The following CCDC39 variants were observed in gnomAD, a reference collection of about 807,000 sequenced individuals.
The protein encoded by CCDC39 is coiled-coil domain 39 molecular ruler complex subunit.
CCDC39 carries 113 observed loss-of-function variants against 121.0 expected under a neutral mutation model. The observed-to-expected ratio is 0.93, with a 90% CI of 0.80 to 1.09. The LOEUF (loss-of-function observed/expected upper bound fraction) is 1.09. Among genes scored for constraint, CCDC39 ranks in the 50% least tolerant of loss-of-function variants. CCDC39 has a pLI of 0.00. For missense variants in CCDC39, 1,063 were observed against 1,074.7 expected (o/e 0.99, Z 0.15); for synonymous variants, 349 against 352.2 (o/e 0.99, Z 0.10).
In CCDC39 at chr3:180,647,193, T is replaced by C; in HGVS notation, c.1413A>G (p.Glu471=). Residue 471 remains glutamate (E), a synonymous_variant, in exon 11 of 20, where the codon GAA becomes GAG. Transcript: ENST00000476379. The part of the protein sequence containing the change: ...VERRMSRLKG[E]INSEEKQALE... Reference sequence around the variant, plus strand: ...GCGCTTGTTTTTCTTCTGAATTAATTTCTCCCTTTAACCGTGACATTCTCC... The same window carrying C: ...GCGCTTGTTTTTCTTCTGAATTAATCTCTCCCTTTAACCGTGACATTCTCC... 6.2e-7 allele frequency: 1 copy of C among 1,611,774 alleles called. No homozygotes were observed. Among genetic ancestry groups the C allele is most frequent in the Non-Finnish European group, 8.5e-7 (1 of 1,178,962 alleles).
intron 1 of CCDC39, among the ~76,000 whole-genome samples, chr3:180,675,684 T>C (rs1386075846): frequency 1.3e-5 from 2 of 152,154 alleles, no homozygotes; most frequent in African/African-American, 4.8e-5. Context: ...TGTTGTGTCT[T>C]TGTTCTCATT....
intron 15 of CCDC39, 42 bp from the exon 16 acceptor site, chr3:180,619,407 A>G (rs568576796): frequency 1.1e-6 from 1 of 948,012 alleles, no homozygotes; most frequent in East Asian, 2.6e-5. Flanking sequence ...TCAACATACT[A>G]AGTAGAAATC....
chr3:180,672,308 A>G (rs1044585927), intron 1 of CCDC39, among the ~76,000 whole-genome samples: 18 of 152,156 alleles, frequency 1.2e-4, no homozygotes, highest in African/African-American at 3.4e-4. Flanking sequence ...ATTACTGCTC[A>G]TTGGGCCAGG....
intron 14 of CCDC39, 24 bp from the exon 15 acceptor site, chr3:180,619,994 G>C (rs1717390685): frequency 6.5e-7 from 1 of 1,549,944 alleles, no homozygotes; most frequent in Non-Finnish European, 8.7e-7. Context: ...AATAGAACTG[G>C]TTGAATAAAA....
chr3:180,650,345 T>A (rs2108423139), intron 9 of CCDC39, among the ~76,000 whole-genome samples: 1 of 152,176 alleles, frequency 6.6e-6, no homozygotes, highest in South Asian at 2.1e-4. Context: ...GTTAAAGAGA[T>A]AGTAGATGAT....
intron 16 of CCDC39, chr3:180,617,303 A>G (rs1326613482): frequency 4.1e-6 from 2 of 489,780 alleles, no homozygotes; most frequent in African/African-American, 2.0e-5. Flanking sequence ...TGTACAGTGC[A>G]TAATACTTGA....
At position 180,679,339 on chromosome 3, in the gene CCDC39, C is replaced by T. The variant is rs759103433; in HGVS notation, c.42G>A (p.Gly14=). 26 of 1,613,792 alleles carry T rather than the reference C, an allele frequency of 1.6e-5. No individual in the cohort carries two copies. The East Asian group carries it at 5.3e-4, about 33-fold the overall frequency. ...CCTCGTTCGCCACCGGGATGGCGAA[C>T]CCATCCTCCCAGTGCAGCTCAGCCA... ...EFLAELHWED[G]FAIPVANEEN... Residue 14 remains glycine (G), a synonymous_variant, in exon 1 of 20, where the codon GGG becomes GGA. Transcript: ENST00000476379. The surrounding 1 kb of genome is among the most constrained non-coding windows in gnomAD (Gnocchi z 4.0).
At chr3:180,637,931 G>A (rs149393477) in intron 13 of CCDC39, among the ~76,000 whole-genome samples, 8 of 152,214 alleles carry the variant, frequency 5.3e-5, no homozygotes, top group African/African-American at 1.7e-4. Flanking sequence ...GTTGGTGGGT[G>A]GAGGGTGAAA....
In CCDC39 at chr3:180,653,180, C is replaced by T. The variant is rs114049233; in HGVS notation, c.931-914G>A. 6.6e-3 allele frequency among the ~76,000 whole-genome samples: 1,000 copies of T among 152,260 alleles called. 5 individuals carry two copies. The highest frequency in any genetic ancestry group is 8.9e-3 in the Non-Finnish European group (606 of 68,018). On this transcript the variant is annotated intron_variant, in intron 7 of 19. Transcript: ENST00000476379. Reference sequence around the variant, plus strand: ...AGGCCATGAAGAGAGAGTTCTCATACATATTTGCCCAATAACAAGAACTAT... The same window carrying T: ...AGGCCATGAAGAGAGAGTTCTCATATATATTTGCCCAATAACAAGAACTAT...
At position 180,679,249 on chromosome 3, in the gene CCDC39, A is replaced by T; in HGVS notation, c.90+42T>A. ...CTGCCAACCAGAAAACGCCCCCAAC[A>T]GGCTCTCTCTGCTTCCTCCCGCCTG... On this transcript the variant is annotated intron_variant, in intron 1 of 19. Transcript: ENST00000476379. This position sits in a 1 kb window ranked among gnomAD's most constrained non-coding sequence, Gnocchi z 4.0. The T allele has an allele frequency of 6.5e-7, 1 of 1,529,808 alleles. No homozygotes were observed. Among genetic ancestry groups the T allele is most frequent in the Non-Finnish European group, 9.1e-7 (1 of 1,102,934 alleles). The allele number at this position is 1,529,808 out of a possible 1,614,324, so 94.8% of individuals were successfully genotyped here. A position where few individuals can be genotyped will look rare whatever the true frequency, so the allele number is the denominator to read the frequency against.
rs79988820 is a variant in CCDC39 at position 180,654,645 on chromosome 3, G to GA, written c.930+116dup. ...ACATTAAAAAAAAAAAAAGAAAAAGGAAAAAAAAAAAAAACTAGAAGTAGT... is the reference window on the plus strand; with the variant it reads ...ACATTAAAAAAAAAAAAAGAAAAAGGAAAAAAAAAAAAAAACTAGAAGTAGT... On this transcript the variant is annotated intron_variant, in intron 7 of 19. Coordinates refer to ENST00000476379, the MANE Select transcript of CCDC39 (RefSeq NM_181426.2). 85,949 of 438,458 alleles carry GA rather than the reference G, an allele frequency of 0.2. 640 individuals are homozygous for GA. The highest frequency in any genetic ancestry group is 0.22 in the East Asian group (4,709 of 21,384). The allele number at this position is 438,458 out of a possible 1,614,324, so 27.2% of individuals were successfully genotyped here.
In CCDC39 at chr3:180,659,702, T is replaced by C. The variant is rs369078781; in HGVS notation, c.584A>G (p.Glu195Gly). 3 of 1,612,308 alleles carry C rather than the reference T, an allele frequency of 1.9e-6. No homozygotes were observed. Among genetic ancestry groups the C allele is most frequent in the Non-Finnish European group, 2.5e-6 (3 of 1,179,252 alleles). Residue 195 changes from glutamate (E) to glycine (G), a missense_variant, in exon 5 of 20, where the codon GAA becomes GGA. Glu to Gly is a moderately conservative substitution (Grantham distance 98). Coordinates refer to ENST00000476379, the MANE Select transcript of CCDC39 (RefSeq NM_181426.2). ...CTGTGCGCTTATAGTCTCTGTAAGT[T>C]CGTTGTCAAGTATCTTTCTTTTCTG... is the stretch of plus-strand genomic sequence containing the variant. ...CNQKRKILDN[E>G]LTETISAQLE...
At position 180,619,381 on chromosome 3, in the gene CCDC39, T is replaced by G. The variant is rs147028259; in HGVS notation, c.2159-16A>C. 13,278 of 1,247,156 alleles carry G rather than the reference T, an allele frequency of 0.011. 98 individuals are homozygous for G. Among genetic ancestry groups the G allele is most frequent in the Non-Finnish European group, 0.013 (11,370 of 884,410 alleles). The allele number at this position is 1,247,156 out of a possible 1,614,324, so 77.3% of individuals were successfully genotyped here. Reference sequence around the variant, plus strand: ...TACTCATCACCTGAAATGTAGAACATTTTTAGTTTAAAATTTCAACATACT... The same window carrying G: ...TACTCATCACCTGAAATGTAGAACAGTTTTAGTTTAAAATTTCAACATACT... On this transcript the variant is annotated splice_polypyrimidine_tract_variant and intron_variant, in intron 15 of 19. Coordinates refer to ENST00000476379, the MANE Select transcript of CCDC39 (RefSeq NM_181426.2).
In CCDC39 at chr3:180,616,273, C is replaced by T; in HGVS notation, c.2669+8G>A. On this transcript the variant is annotated splice_region_variant and intron_variant, in intron 19 of 19. Coordinates refer to ENST00000476379, the MANE Select transcript of CCDC39 (RefSeq NM_181426.2). The stretch of plus-strand genomic sequence containing the variant: ...GTTAAGCAGATTTTTTTTTAACCCT[C>T]CGCTTACCTTGCTGATAGTGAAGTA... 6.2e-7 allele frequency: 1 copy of T among 1,612,634 alleles called. No homozygotes were observed. Among genetic ancestry groups the T allele is most frequent in the Non-Finnish European group, 8.5e-7 (1 of 1,178,994 alleles).
intron 8 of CCDC39, among the ~76,000 whole-genome samples, chr3:180,651,766 G>C (rs752777786): frequency 6.6e-6 from 1 of 152,062 alleles, no homozygotes; most frequent in Non-Finnish European, 1.5e-5. Context: ...GGCCAGGCGC[G>C]GTGGCTCACG....
intron 6 of CCDC39, 27 bp downstream of exon 6, chr3:180,659,425 A>G: frequency 6.2e-7 from 1 of 1,609,446 alleles, no homozygotes; most frequent in Non-Finnish European, 8.5e-7. Context: ...GCAGCTGAAC[A>G]TTACAAGGAC....
At chr3:180,644,567 T>G (rs1215020955) in intron 11 of CCDC39, among the ~76,000 whole-genome samples, 1 of 152,164 alleles carries the variant, frequency 6.6e-6, no homozygotes, top group Non-Finnish European at 1.5e-5. Flanking sequence ...TGGGGATTGG[T>G]TGCAGGACAA....
rs751490961 is a variant in CCDC39, at chr3:180,616,610, A to G, written c.2492T>C (p.Met831Thr). 6.3e-7 allele frequency: 1 copy of G among 1,597,406 alleles called. No individual in the cohort carries two copies. Among genetic ancestry groups the G allele is most frequent in the Non-Finnish European group, 8.5e-7 (1 of 1,171,940 alleles). Residue 831 changes from methionine (M) to threonine (T), a missense_variant, in exon 18 of 20, where the codon ATG (methionine) becomes ACG (threonine). By Grantham distance (81) the Met-to-Thr change is moderately conservative (BLOSUM62 -1). Transcript: ENST00000476379. ...ATCAATAACTTTGTGAAACTGTTTC[A>G]TTTCACGAAGTTTGATGTCTTGTTC... ...MEEQDIKLRE[M>T]KQFHKVIDEM...
rs542087999 is a variant in CCDC39 at position 180,635,938 on chromosome 3, G to A, written c.1875-4346C>T. Among the ~76,000 whole-genome samples the A allele has an allele frequency of 5.9e-5, 9 of 152,266 alleles. No individual in the cohort carries two copies. In the South Asian group the frequency reaches 1.0e-3, roughly 18 times the overall value. On this transcript the variant is annotated intron_variant, in intron 13 of 19. Coordinates refer to ENST00000476379, the MANE Select transcript of CCDC39 (RefSeq NM_181426.2). ...GTTAAAAATTCTCAGTAAATTAGGC[G>A]TTGAAGGAACATACCTCAAAATAAT...
Sources: allele counts gnomAD v4.1 joint callset (sites outside exome capture counted in the v4.1 genomes callset), GRCh38; gene constraint gnomAD v4.1.1; non-coding constraint Gnocchi (gnomAD v3.1); transcripts MANE v1.5; gene names NCBI Gene and HGNC (gene_info 2026-07-23, HGNC 2026-07-21).